CTNNA3: variants seen among roughly 807,000 people sequenced by gnomAD.
CTNNA3 encodes the protein catenin alpha 3.
In CTNNA3, 76 loss-of-function variants were observed where a neutral mutation model predicts 95.7. The ratio of observed to expected loss-of-function variants is 0.79; its 90% confidence interval spans 0.66 to 0.96. CTNNA3 has a LOEUF of 0.96. Among genes scored for constraint, CTNNA3 ranks in the 40% least tolerant of loss-of-function variants. CTNNA3 has a pLI of 0.00. For synonymous variants in CTNNA3, 431 were observed against 374.4 expected (o/e 1.15, Z -1.74); for missense variants, 1,191 against 1,089.8 (o/e 1.09, Z -1.31).
chr10:66,165,918 C>T (rs894104533), intron 13 of CTNNA3, among the ~76,000 whole-genome samples: 3 of 151,898 alleles, frequency 2.0e-5, no homozygotes, highest in East Asian at 2.0e-4. Context: ...CAGGCACCTG[C>T]CACCACACCT....
chr10:67,473,328 C>T (rs1407615077), intron 5 of CTNNA3, among the ~76,000 whole-genome samples: 1 of 152,200 alleles, frequency 6.6e-6, no homozygotes, highest in Non-Finnish European at 1.5e-5. Context: ...GTCTTCTATA[C>T]TTGCCATGCT....
intron 13 of CTNNA3, among the ~76,000 whole-genome samples, chr10:66,235,956 G>C (rs963116600): frequency 1.3e-5 from 2 of 152,040 alleles, no homozygotes; most frequent in African/African-American, 4.8e-5. Flanking sequence ...TTTTCTCATA[G>C]TAGCACTTTT....
intron 5 of CTNNA3, among the ~76,000 whole-genome samples, chr10:67,476,746 G>A (rs569971705): frequency 3.3e-5 from 5 of 151,180 alleles, no homozygotes; most frequent in East Asian, 4.0e-4. Flanking sequence ...TGCATAGATC[G>A]TGGTATAGTG....
intron 7 of CTNNA3, among the ~76,000 whole-genome samples, chr10:66,858,033 C>A (rs565636727): frequency 2.0e-4 from 30 of 152,068 alleles, no homozygotes; most frequent in African/African-American, 7.2e-4. Context: ...ATGACGTTGG[C>A]TGTAGATTTT....
intron 11 of CTNNA3, among the ~76,000 whole-genome samples, chr10:66,478,647 C>T (rs112511782): frequency 3.0e-4 from 45 of 151,664 alleles, no homozygotes; most frequent in Admixed American, 9.2e-4. Flanking sequence ...TAAAGCTTAA[C>T]GCTATTACAA....
intron 13 of CTNNA3, among the ~76,000 whole-genome samples, chr10:66,224,988 T>C (rs975853456): frequency 4.6e-5 from 7 of 152,082 alleles, no homozygotes; most frequent in Admixed American, 1.3e-4. Flanking sequence ...AATGATGAAA[T>C]CAGAATAATT....
At chr10:66,453,901 G>A (rs2093479799) in intron 11 of CTNNA3, among the ~76,000 whole-genome samples, 1 of 152,272 alleles carries the variant, frequency 6.6e-6, no homozygotes, top group South Asian at 2.1e-4. Context: ...TCATCCTCAG[G>A]ACCTGTGAAT....
intron 1 of CTNNA3, among the ~76,000 whole-genome samples, chr10:67,762,837 A>G (rs1355313512): frequency 6.6e-6 from 1 of 152,158 alleles, no homozygotes; most frequent in African/African-American, 2.4e-5. Flanking sequence ...GAAAAGCACT[A>G]TCCTATTCTG....
intron 5 of CTNNA3, among the ~76,000 whole-genome samples, chr10:67,408,091 T>C (rs1371624894): frequency 6.6e-6 from 1 of 152,048 alleles, no homozygotes; most frequent in East Asian, 1.9e-4. Flanking sequence ...AAATCAGAGA[T>C]GACACAAACA....
chr10:66,394,317 C>T (rs2092957060), intron 11 of CTNNA3, among the ~76,000 whole-genome samples: 1 of 151,968 alleles, frequency 6.6e-6, no homozygotes, highest in Middle Eastern at 3.2e-3. Flanking sequence ...AGTGCCTTAG[C>T]TACTTAGCTA....
chr10:66,045,530 T>A (rs1018460795), intron 15 of CTNNA3, among the ~76,000 whole-genome samples: 1 of 152,202 alleles, frequency 6.6e-6, no homozygotes, highest in African/African-American at 2.4e-5. Flanking sequence ...GATTTTGGTA[T>A]CTCTAGTGGC....
intron 10 of CTNNA3, among the ~76,000 whole-genome samples, chr10:66,547,267 G>A (rs1842062638): frequency 6.6e-6 from 1 of 151,326 alleles, no homozygotes; most frequent in Admixed American, 6.6e-5. Context: ...ATAAAATATT[G>A]GATAGACAGC....
intron 7 of CTNNA3, among the ~76,000 whole-genome samples, chr10:66,853,724 A>C (rs1210827855): frequency 6.6e-6 from 1 of 151,968 alleles, no homozygotes; most frequent in Non-Finnish European, 1.5e-5. Context: ...AAGACAAAAA[A>C]ATTCTGCCGA....
Position 66,624,198 on chromosome 10 carries a change from G to A in CTNNA3, c.1282-2414C>T, listed in dbSNP as rs558809913. ...TTTGGGTTTGAACCCAGTTCCTACA[G>A]TTAATAAGCTTCTGATTATGAGCAA... On this transcript the variant is annotated intron_variant, in intron 9 of 17. Coordinates refer to ENST00000433211, the MANE Select transcript of CTNNA3 (RefSeq NM_013266.4). 3.3e-5 allele frequency among the ~76,000 whole-genome samples: 5 copies of A among 152,054 alleles called. No homozygotes were observed. The South Asian group carries it at 8.3e-4, about 25-fold the overall frequency.
At chr10:66,766,011 T>A in intron 9 of CTNNA3, 1 of 357,514 alleles carries the variant, frequency 2.8e-6, no homozygotes, top group Non-Finnish European at 5.1e-6. Context: ...TTTGTAAGGA[T>A]AAATCAAAGT....
At chr10:66,642,664 A>G (rs1845561804) in intron 9 of CTNNA3, among the ~76,000 whole-genome samples, 1 of 152,162 alleles carries the variant, frequency 6.6e-6, no homozygotes, top group Non-Finnish European at 1.5e-5. Flanking sequence ...TATATATAAT[A>G]AACATTCTCC....
At chr10:65,983,955 C>T (rs775798845) in intron 16 of CTNNA3, among the ~76,000 whole-genome samples, 29 of 151,276 alleles carry the variant, frequency 1.9e-4, no homozygotes, top group South Asian at 4.1e-4. Context: ...ATTCTTTCTA[C>T]ATGTGAACTT....
chr10:66,178,593 C>T (rs1048568555), intron 13 of CTNNA3, among the ~76,000 whole-genome samples: 1 of 151,024 alleles, frequency 6.6e-6, no homozygotes, highest in Non-Finnish European at 1.5e-5. Flanking sequence ...GATTATATTA[C>T]TCTGTGAAGA....
chr10:65,982,887 T>C (rs767485443), intron 16 of CTNNA3, among the ~76,000 whole-genome samples: 14 of 151,480 alleles, frequency 9.2e-5, no homozygotes, highest in Non-Finnish European at 1.5e-4. Flanking sequence ...AATCATGATA[T>C]AATGAAGGCT....
Sources: gnomAD v4.1 joint callset for allele counts (sites outside exome capture counted in the v4.1 genomes callset) on GRCh38, gnomAD v4.1.1 for gene constraint, MANE v1.5 for transcripts, NCBI Gene and HGNC (gene_info 2026-07-23, HGNC 2026-07-21) for gene names.